The following EBF1 variants were observed in gnomAD, a reference collection of about 807,000 sequenced individuals.
EBF1 encodes the protein transcription factor COE1.
In EBF1, 10 loss-of-function variants were observed where a neutral mutation model predicts 68.4. That is an observed-to-expected ratio of 0.15 (90% CI 0.09 to 0.25). The LOEUF (loss-of-function observed/expected upper bound fraction) is 0.25, where lower values mean the gene tolerates loss of function less well. Ranked by LOEUF, EBF1 falls within the 10% of genes least tolerant of loss-of-function variation. The probability of loss-of-function intolerance (pLI) is 1.00; values close to 1 mark genes in which losing one functional copy is unlikely to be tolerated. For missense variants in EBF1, 509 were observed against 794.4 expected (o/e 0.64, Z 4.32); for synonymous variants, 298 against 299.8 (o/e 0.99, Z 0.06).
At chr5:158,758,485 G>A (rs1770640585) in intron 10 of EBF1, among the ~76,000 whole-genome samples, 1 of 151,996 alleles carries the variant, frequency 6.6e-6, no homozygotes, top group Non-Finnish European at 1.5e-5. Flanking sequence ...TGCCCACAAG[G>A]GAAAAACTAG....
intron 6 of EBF1, among the ~76,000 whole-genome samples, chr5:158,998,948 G>A (rs1761983045): frequency 1.3e-5 from 2 of 152,018 alleles, no homozygotes; most frequent in Non-Finnish European, 1.5e-5. Context: ...ACAACCTGAA[G>A]AGTTTAGTGC....
intron 7 of EBF1, among the ~76,000 whole-genome samples, chr5:158,825,591 T>C (rs1334480169): frequency 6.6e-6 from 1 of 151,706 alleles, no homozygotes; most frequent in Non-Finnish European, 1.5e-5. Flanking sequence ...GACACTGTCA[T>C]CTAATCCTAC....
chr5:158,863,553 A>T (rs763118090), intron 6 of EBF1, among the ~76,000 whole-genome samples: 53 of 152,328 alleles, frequency 3.5e-4, no homozygotes, highest in South Asian at 6.2e-4. Flanking sequence ...AATAATTGAG[A>T]ATCCAAAATA....
intron 6 of EBF1, among the ~76,000 whole-genome samples, chr5:158,956,488 C>G (rs1583456955): frequency 2.0e-5 from 3 of 151,990 alleles, no homozygotes; most frequent in Non-Finnish European, 2.9e-5. Flanking sequence ...CGCACACACA[C>G]ACACGCACGC....
At chr5:158,828,405 T>A (rs1786695185) in intron 7 of EBF1, among the ~76,000 whole-genome samples, 1 of 152,090 alleles carries the variant, frequency 6.6e-6, no homozygotes, top group African/African-American at 2.4e-5. Context: ...AATCCAATCC[T>A]CACAGGAGGA....
At chr5:159,091,222 G>A (rs904939070) in intron 4 of EBF1, among the ~76,000 whole-genome samples, 1 of 152,154 alleles carries the variant, frequency 6.6e-6, no homozygotes, top group Non-Finnish European at 1.5e-5. Context: ...TATTATCCAG[G>A]AGGGAGCAGT....
chr5:158,866,833 G>GTATATA (rs70987938), intron 6 of EBF1, among the ~76,000 whole-genome samples: 3 of 92,846 alleles, frequency 3.2e-5, no homozygotes, highest in Non-Finnish European at 4.2e-5. Context: ...ATATGTATAT[G>GTATATA]TATATATATA....
chr5:158,757,734 G>A (rs1309154771), intron 10 of EBF1, among the ~76,000 whole-genome samples: 3 of 152,130 alleles, frequency 2.0e-5, no homozygotes, highest in South Asian at 4.1e-4. Context: ...GTAATACAGC[G>A]ATAATAATAC....
intron 6 of EBF1, among the ~76,000 whole-genome samples, chr5:158,892,557 TC>T (rs1044985414): frequency 6.6e-6 from 1 of 152,216 alleles, no homozygotes; most frequent in African/African-American, 2.4e-5. Context: ...AAAATTCCAC[TC>T]CTGGCCTCAT....
intron 10 of EBF1, among the ~76,000 whole-genome samples, chr5:158,740,394 C>T (rs1766078139): frequency 6.6e-6 from 1 of 152,150 alleles, no homozygotes; most frequent in Admixed American, 6.5e-5. Flanking sequence ...AGAGTTGTTT[C>T]CTCCAAACCA....
intron 7 of EBF1, among the ~76,000 whole-genome samples, chr5:158,824,068 C>T (rs918807760): frequency 6.6e-6 from 1 of 152,120 alleles, no homozygotes; most frequent in Admixed American, 6.5e-5. Context: ...TTGACTAAAA[C>T]AATGAGAAGA....
In EBF1 at chr5:158,992,917, C is replaced by CT. The variant is rs148629320; in HGVS notation, c.554+80478dup. On this transcript the variant is annotated intron_variant, in intron 6 of 15. Transcript: ENST00000313708. ...ATATTAAGAGCCCTGCTGTTTCTTT[C>CT]TTTTTTTTTTTTTTTTTTTTTTTTT... Among the ~76,000 whole-genome samples the CT allele has an allele frequency of 3.9e-3, 282 of 72,842 alleles. 25 individuals are homozygous for CT. The Admixed American group carries it at 0.04, about 10-fold the overall frequency. 47.8% of individuals were successfully genotyped at this position (72,842 alleles called of 152,430 possible).
chr5:158,913,804 A>G (rs1014564878), intron 6 of EBF1, among the ~76,000 whole-genome samples: 1 of 152,248 alleles, frequency 6.6e-6, no homozygotes, highest in African/African-American at 2.4e-5. Flanking sequence ...CGAGTATTAT[A>G]CCAACAGACT....
At chr5:159,089,641 G>A (rs918261094) in intron 4 of EBF1, among the ~76,000 whole-genome samples, 8 of 152,008 alleles carry the variant, frequency 5.3e-5, no homozygotes, top group South Asian at 2.1e-4. Flanking sequence ...AAATAAAGGC[G>A]GTGAAGAGAA....
chr5:158,722,457 T>A (rs1487173122), intron 11 of EBF1, among the ~76,000 whole-genome samples: 3 of 152,150 alleles, frequency 2.0e-5, no homozygotes, highest in African/African-American at 7.2e-5. Flanking sequence ...AAGAGATGTA[T>A]TTGTCATGTA....
rs568180398 is a variant in EBF1 at position 158,902,852 on chromosome 5, G to A, written c.555-62742C>T. 2.0e-3 allele frequency among the ~76,000 whole-genome samples: 307 copies of A among 152,214 alleles called. 1 individual carries two copies. The highest frequency in any genetic ancestry group is 7.0e-3 in the African/African-American group (292 of 41,530). On this transcript the variant is annotated intron_variant, in intron 6 of 15. Coordinates refer to ENST00000313708, the MANE Select transcript of EBF1 (RefSeq NM_024007.5). ...GAGCAGGCAAGGGTTCTAACTGGGG[G>A]TGTCCAATCCAAGCCCAGAGACAGG... is the stretch of plus-strand genomic sequence containing the variant.
chr5:158,712,051 G>T (rs1759469720), intron 14 of EBF1, 103 bp downstream of exon 14: 1 of 1,380,036 alleles, frequency 7.2e-7, no homozygotes, highest in South Asian at 1.4e-5. Context: ...AGGGAAAGAT[G>T]GGGGGCCTCA....
chr5:158,952,763 C>T (rs960040348), intron 6 of EBF1, among the ~76,000 whole-genome samples: 13 of 152,128 alleles, frequency 8.5e-5, no homozygotes, highest in East Asian at 3.8e-4. Flanking sequence ...AAAGTTGCTT[C>T]GTGTGCCCTA....
At chr5:158,871,053 C>T (rs913235930) in intron 6 of EBF1, among the ~76,000 whole-genome samples, 2 of 152,172 alleles carry the variant, frequency 1.3e-5, no homozygotes, top group African/African-American at 4.8e-5. Flanking sequence ...GAAAAAAATA[C>T]TCTCTAATAG....
Sources: allele counts gnomAD v4.1 joint callset (sites outside exome capture counted in the v4.1 genomes callset), GRCh38; gene constraint gnomAD v4.1.1; transcripts MANE v1.5; gene names NCBI Gene and HGNC (gene_info 2026-07-23, HGNC 2026-07-21).